The following GAS7 variants were observed in gnomAD, a reference collection of about 807,000 sequenced individuals.
GAS7 encodes the protein growth arrest specific 7.
In GAS7, 28 loss-of-function variants were observed where a neutral mutation model predicts 71.1. The ratio of observed to expected loss-of-function variants is 0.39; its 90% CI spans 0.29 to 0.54. The LOEUF is 0.54. Ranked by LOEUF, GAS7 falls within the 20% of genes least tolerant of loss-of-function variation. The pLI is 0.62. For synonymous variants in GAS7, 258 were observed against 245.8 expected (o/e 1.05, Z -0.46); for missense variants, 436 against 627.8 (o/e 0.69, Z 3.27).
chr17:9,943,209 C>CACG lies in GAS7; in HGVS notation c.642_643insCGT (p.Asn214_Gly215insArg). The CACG allele has an allele frequency of 6.2e-7, 1 of 1,611,698 alleles. No homozygotes were observed. Among genetic ancestry groups the CACG allele is most frequent in the Non-Finnish European group, 8.5e-7 (1 of 1,177,748 alleles). ...AGTAGTTCAAACCCAGCCACGGTGCCGTTGCCTTGGGGGTCCTTCTTATCA... is the reference window on the plus strand; with the variant it reads ...AGTAGTTCAAACCCAGCCACGGTGCCACGGTTGCCTTGGGGGTCCTTCTTATCA... On this transcript the variant is annotated inframe_insertion, in exon 7 of 14. Coordinates refer to ENST00000432992, the MANE Select transcript of GAS7 (RefSeq NM_201433.2).
At chr17:10,043,080 T>C (rs2072896266) in intron 1 of GAS7, among the ~76,000 whole-genome samples, 3 of 151,724 alleles carry the variant, frequency 2.0e-5, no homozygotes, top group Admixed American at 2.0e-4. Flanking sequence ...TGACAAGGAG[T>C]TCACAGAGAA....
chr17:9,989,991 C>G (rs562655064), intron 2 of GAS7, among the ~76,000 whole-genome samples: 1 of 152,206 alleles, frequency 6.6e-6, no homozygotes, highest in South Asian at 2.1e-4. Context: ...TCACCCTGGC[C>G]GGGCATGGTG....
intron 1 of GAS7, among the ~76,000 whole-genome samples, chr17:10,159,897 C>T (rs1409757638): frequency 3.2e-4 from 49 of 151,872 alleles, no homozygotes; most frequent in Non-Finnish European, 2.9e-5. Flanking sequence ...GTGATCCTCC[C>T]ACCTCAGTCT....
chr17:10,021,443 CG>C (rs1467308307), intron 1 of GAS7, among the ~76,000 whole-genome samples: 1 of 152,230 alleles, frequency 6.6e-6, no homozygotes, highest in Non-Finnish European at 1.5e-5. Context: ...CTGAGCTGCT[CG>C]GGGACTTTGA....
At chr17:10,052,456 A>C (rs1282478385) in intron 1 of GAS7, among the ~76,000 whole-genome samples, 1 of 152,204 alleles carries the variant, frequency 6.6e-6, no homozygotes, top group African/African-American at 2.4e-5. Flanking sequence ...AACTACCAAG[A>C]GAAGCATCTC....
Position 10,004,605 on chromosome 17 carries a change from C to G in GAS7, c.304+15172G>C, listed in dbSNP as rs189436082. Reference sequence around the variant, plus strand: ...GGCAGAGTAGGATGGGTTTTAAGATCCCTCTCGAAACTGGTGCTTCATACC... The same window carrying G: ...GGCAGAGTAGGATGGGTTTTAAGATGCCTCTCGAAACTGGTGCTTCATACC... On this transcript the variant is annotated intron_variant, in intron 2 of 13. Transcript: ENST00000432992. Among the ~76,000 whole-genome samples, 570 of 152,318 alleles carry G rather than the reference C, an allele frequency of 3.7e-3. 8 individuals are homozygous for G. Among genetic ancestry groups the G allele is most frequent in the Non-Finnish European group, 2.3e-3 (154 of 68,024 alleles).
chr17:10,087,848 G>A (rs1227456783), intron 1 of GAS7, among the ~76,000 whole-genome samples: 2 of 152,136 alleles, frequency 1.3e-5, no homozygotes, highest in African/African-American at 4.8e-5. Flanking sequence ...GGCATATTTG[G>A]AAGGAGGGGA....
At chr17:9,953,746 A>G (rs2069112384) in intron 5 of GAS7, among the ~76,000 whole-genome samples, 1 of 152,218 alleles carries the variant, frequency 6.6e-6, no homozygotes, top group Non-Finnish European at 1.5e-5. Context: ...TACATTTGTA[A>G]TGATATTTCT....
At position 9,974,515 on chromosome 17, in the gene GAS7, G is replaced by GA. The variant is rs913449137; in HGVS notation, c.386-4754dup. 0.025 allele frequency among the ~76,000 whole-genome samples: 3,630 copies of GA among 143,350 alleles called. 45 individuals carry two copies. Among genetic ancestry groups the GA allele is most frequent in the Non-Finnish European group, 0.03 (1,950 of 65,106 alleles). 94.0% of individuals were successfully genotyped at this position (143,350 alleles called of 152,430 possible). ...ACATAATTCAGTCTGGAGATACAAG[G>GA]AAAAAAAAAAAGCAAATGTCACACT... On this transcript the variant is annotated intron_variant, in intron 3 of 13. Transcript: ENST00000432992. This position sits in a 1 kb window ranked among gnomAD's most constrained non-coding sequence, Gnocchi z 4.0.
chr17:9,929,578 C>T (rs371486138), intron 9 of GAS7, among the ~76,000 whole-genome samples: 3 of 152,078 alleles, frequency 2.0e-5, no homozygotes, highest in African/African-American at 7.2e-5. Flanking sequence ...AGGTTCAAGC[C>T]GTTCTCCTGC....
At chr17:10,146,852 C>T (rs1014198900) in intron 1 of GAS7, among the ~76,000 whole-genome samples, 2 of 151,944 alleles carry the variant, frequency 1.3e-5, no homozygotes, top group African/African-American at 4.8e-5. Flanking sequence ...GGCGTGGTGG[C>T]GGGTGCCTGT....
chr17:10,126,511 TCACACACGCACACACAAG>T (rs1567602420), intron 1 of GAS7, among the ~76,000 whole-genome samples: 1 of 139,232 alleles, frequency 7.2e-6, no homozygotes, highest in Non-Finnish European at 1.5e-5. Flanking sequence ...CAAACACGTA[TCACACACGCACACACAAG>T]CACACACACA....
chr17:9,925,682 G>A, intron 10 of GAS7, 83 bp from the exon 11 acceptor site: 1 of 1,505,468 alleles, frequency 6.6e-7, no homozygotes, highest in Admixed American at 1.7e-5. Flanking sequence ...GCTTCCCTTT[G>A]GAGTCCTTTC....
chr17:10,013,279 T>G (rs1472968025), intron 2 of GAS7, among the ~76,000 whole-genome samples: 1 of 152,112 alleles, frequency 6.6e-6, no homozygotes, highest in Non-Finnish European at 1.5e-5. Context: ...TAAATAAATT[T>G]CCATTGTTTA....
chr17:10,173,565 A>C (rs567848485), intron 1 of GAS7, among the ~76,000 whole-genome samples: 4 of 151,912 alleles, frequency 2.6e-5, no homozygotes, highest in South Asian at 2.1e-4. Flanking sequence ...TCAGGAGATC[A>C]AGACCATCCT....
chr17:9,917,084 G>A lies in GAS7; in HGVS notation c.*144C>T. 3.1e-6 allele frequency: 2 copies of A among 640,106 alleles called. No individual in the cohort carries two copies. The highest frequency in any genetic ancestry group is 2.5e-5 in the Admixed American group (1 of 39,756). 39.7% of individuals were successfully genotyped at this position (640,106 alleles called of 1,614,324 possible). On this transcript the variant is annotated 3_prime_UTR_variant, in exon 14 of 14. Coordinates refer to ENST00000432992, the MANE Select transcript of GAS7 (RefSeq NM_201433.2). The stretch of plus-strand genomic sequence containing the variant: ...GGGGAGCCCCCAGCTAGGCTGTCCG[G>A]GTCACCCTTCTGGAATCACCAGCTC...
At chr17:9,995,110 G>A (rs1454936042) in intron 2 of GAS7, among the ~76,000 whole-genome samples, 1 of 152,200 alleles carries the variant, frequency 6.6e-6, no homozygotes, top group African/African-American at 2.4e-5. Flanking sequence ...TCTGCCCTAG[G>A]GAGCTAACAG....
chr17:10,167,799 G>T (rs1234257283), intron 1 of GAS7, among the ~76,000 whole-genome samples: 1 of 151,968 alleles, frequency 6.6e-6, no homozygotes, highest in Non-Finnish European at 1.5e-5. Flanking sequence ...TCTGGGCTCA[G>T]GTGATCCTCC....
In GAS7 at chr17:9,999,495, G is replaced by A. The variant is rs114721737; in HGVS notation, c.305-17611C>T. Among the ~76,000 whole-genome samples, 737 of 150,916 alleles carry A rather than the reference G, an allele frequency of 4.9e-3. 3 individuals are homozygous for A. Among genetic ancestry groups the A allele is most frequent in the African/African-American group, 0.017 (700 of 40,476 alleles). The stretch of plus-strand genomic sequence containing the variant: ...ATTGTGCCACTGCACTCTACCCTAA[G>A]TGACAGGGTAAGACTTTGCCTCAAA... On this transcript the variant is annotated intron_variant, in intron 2 of 13. Coordinates refer to ENST00000432992, the MANE Select transcript of GAS7 (RefSeq NM_201433.2).
Sources: allele counts gnomAD v4.1 joint callset (sites outside exome capture counted in the v4.1 genomes callset), GRCh38; gene constraint gnomAD v4.1.1; non-coding constraint Gnocchi (gnomAD v3.1); transcripts MANE v1.5; gene names NCBI Gene and HGNC (gene_info 2026-07-23, HGNC 2026-07-21).